The following ITGA6 variants were observed in gnomAD, a reference collection of about 807,000 sequenced individuals.
ITGA6 encodes integrin subunit alpha 6, also known as integrin alpha-6.
In ITGA6, 63 loss-of-function variants were observed where a neutral mutation model predicts 133.6. That is an observed-to-expected ratio of 0.47 (90% CI 0.38 to 0.58). The LOEUF (loss-of-function observed/expected upper bound fraction) is 0.58, where lower values mean the gene tolerates loss of function less well. ITGA6 is among the 20% of genes least tolerant of loss of function. The pLI, the probability that ITGA6 is intolerant of heterozygous loss-of-function variation, is 0.00. For synonymous variants in ITGA6, 434 were observed against 482.0 expected, an observed-to-expected ratio of 0.90 and a Z score of 1.30; for missense variants, 1,068 against 1,309.4, an observed-to-expected ratio of 0.82 and a Z score of 2.85.
Position 172,491,196 on chromosome 2 carries a change from T to C in ITGA6, c.2779-25T>C, listed in dbSNP as rs1686909414. On this transcript the variant is annotated intron_variant, in intron 21 of 25. Transcript: ENST00000684293. This position sits in a 1 kb window ranked among gnomAD's most constrained non-coding sequence, Gnocchi z 4.4. ...ATTTCTTCAGAACAATGTCTTTTGA[T>C]GACCATTCTTCTTTTTCTCTCTAGA... 1 of 1,498,740 alleles carries C rather than the reference T, an allele frequency of 6.7e-7. No homozygotes were observed. Among genetic ancestry groups the C allele is most frequent in the African/African-American group, 1.4e-5 (1 of 72,432 alleles). 92.8% of individuals were successfully genotyped at this position (1,498,740 alleles called of 1,614,324 possible). A position where few individuals can be genotyped will look rare whatever the true frequency, so the allele number is the denominator to read the frequency against.
chr2:172,473,052 T>G lies in ITGA6; in HGVS notation c.776-1003T>G, dbSNP rs568214494. 2.6e-5 allele frequency among the ~76,000 whole-genome samples: 4 copies of G among 152,342 alleles called. No individual in the cohort carries two copies. The East Asian group carries it at 7.7e-4, about 29-fold the overall frequency. Reference sequence around the variant, plus strand: ...CTGGGGCTCTGTGGCCAGATGGTTGTAAGAGCTGGACTCCATATTGCCCTC... The same window carrying G: ...CTGGGGCTCTGTGGCCAGATGGTTGGAAGAGCTGGACTCCATATTGCCCTC... On this transcript the variant is annotated intron_variant, in intron 5 of 25. Coordinates refer to ENST00000684293, the MANE Select transcript of ITGA6 (RefSeq NM_000210.4).
intron 11 of ITGA6, among the ~76,000 whole-genome samples, chr2:172,483,150 C>T (rs1686524252): frequency 6.6e-6 from 1 of 152,074 alleles, no homozygotes; most frequent in African/African-American, 2.4e-5. Context: ...AAGCTGAAAT[C>T]TGAAGGGGAA....
intron 1 of ITGA6, chr2:172,428,404 C>T (rs942928753): frequency 3.9e-5 from 6 of 152,300 alleles, no homozygotes; most frequent in Non-Finnish European, 8.8e-5. Context: ...TGGTCTAGGC[C>T]TTTCCCAAAC....
chr2:172,454,486 T>TGG (rs1034656266), intron 1 of ITGA6, among the ~76,000 whole-genome samples: 2 of 151,930 alleles, frequency 1.3e-5, no homozygotes, highest in African/African-American at 2.4e-5. Flanking sequence ...TAGAGAGTGA[T>TGG]GGAGAGGGTT....
chr2:172,474,676 G>A (rs1481768028), intron 6 of ITGA6, among the ~76,000 whole-genome samples: 2 of 152,202 alleles, frequency 1.3e-5, no homozygotes, highest in African/African-American at 4.8e-5. Context: ...GGTTAGAACA[G>A]TGAGGTCTTA....
intron 1 of ITGA6, among the ~76,000 whole-genome samples, chr2:172,447,526 C>T (rs1684816737): frequency 6.6e-6 from 1 of 152,120 alleles, no homozygotes; most frequent in African/African-American, 2.4e-5. Context: ...TTAAAATGAG[C>T]TAGTTATATA....
intron 1 of ITGA6, among the ~76,000 whole-genome samples, chr2:172,459,275 A>AG (rs1685333781): frequency 6.6e-6 from 1 of 152,130 alleles, no homozygotes; most frequent in African/African-American, 2.4e-5. Context: ...GCCTCAAGGT[A>AG]GGCGGATCCC....
chr2:172,462,262 C>A (rs879364470), intron 1 of ITGA6, among the ~76,000 whole-genome samples: 1 of 152,186 alleles, frequency 6.6e-6, no homozygotes, highest in Non-Finnish European at 1.5e-5. Context: ...CACGGCTGCC[C>A]AGGGGATTTG....
In ITGA6 at chr2:172,465,699, C is replaced by T. The variant is rs1559133457; in HGVS notation, c.307+36C>T. 3 of 1,613,812 alleles carry T rather than the reference C, an allele frequency of 1.9e-6. No individual in the cohort carries two copies. The Admixed American group carries it at 5.0e-5, about 27-fold the overall frequency. The stretch of plus-strand genomic sequence containing the variant: ...TTCCCTCACTCAGCGTTCACTCCGG[C>T]AGCTTGCCTGTACTGTTTCCATGAG... On this transcript the variant is annotated intron_variant, in intron 2 of 25. Transcript: ENST00000684293.
intron 1 of ITGA6, among the ~76,000 whole-genome samples, chr2:172,456,227 A>T (rs1293651718): frequency 6.6e-6 from 1 of 152,236 alleles, no homozygotes; most frequent in African/African-American, 2.4e-5. Context: ...AGGGACTCTT[A>T]CAAGGCCAGT....
intron 1 of ITGA6, among the ~76,000 whole-genome samples, chr2:172,452,848 A>T (rs1210151206): frequency 6.6e-6 from 1 of 152,174 alleles, no homozygotes; most frequent in Non-Finnish European, 1.5e-5. Flanking sequence ...TGGTTTCTCA[A>T]ATGTGGTGTG....
At chr2:172,442,678 C>T (rs962577881) in intron 1 of ITGA6, among the ~76,000 whole-genome samples, 16 of 152,256 alleles carry the variant, frequency 1.1e-4, no homozygotes, top group African/African-American at 2.9e-4. Context: ...CATTGTAATG[C>T]CCCAGTTGCC....
intron 24 of ITGA6, among the ~76,000 whole-genome samples, chr2:172,498,549 T>TA (rs1310186526): frequency 6.6e-6 from 1 of 152,164 alleles, no homozygotes; most frequent in Non-Finnish European, 1.5e-5. Context: ...AATAGAAGAG[T>TA]ATGACATGAA....
intron 1 of ITGA6, among the ~76,000 whole-genome samples, chr2:172,452,471 G>A (rs1368472316): frequency 3.9e-5 from 6 of 152,152 alleles, no homozygotes; most frequent in East Asian, 1.9e-4. Context: ...GGCTGGGCAC[G>A]TGCTTTTTGG....
chr2:172,447,434 A>T (rs1574332105), intron 1 of ITGA6, among the ~76,000 whole-genome samples: 1 of 152,242 alleles, frequency 6.6e-6, no homozygotes, highest in East Asian at 1.9e-4. Flanking sequence ...CGAACTCCTG[A>T]TCTCAAGTGA....
At chr2:172,444,441 A>C (rs1276975781) in intron 1 of ITGA6, among the ~76,000 whole-genome samples, 2 of 152,136 alleles carry the variant, frequency 1.3e-5, no homozygotes, top group Non-Finnish European at 1.5e-5. Context: ...CAAAATCTGA[A>C]ATGCTCCAAA....
chr2:172,501,672 C>T, intron 24 of ITGA6, 100 bp from the exon 25 acceptor site: 1 of 1,188,448 alleles, frequency 8.4e-7, no homozygotes, highest in Non-Finnish European at 1.2e-6. Context: ...TGTTTGTAAA[C>T]AAGCCACTAG....
Position 172,487,354 on chromosome 2 carries a change from TC to T in ITGA6, c.2064del (p.Thr689GlnfsTer12). The part of the protein sequence containing the change: ...VTNSPSNPRN[P>X]TKDGDDAHEA... ...CAAACAGCCCTTCCAACCCAAGGAA[TC>T]CCACAAAAGATGGCGATGACGCCCA... On this transcript the variant is annotated frameshift_variant, in exon 15 of 26. Transcript: ENST00000684293. LOFTEE classifies it high-confidence loss of function. 1 of 1,614,130 alleles carries T rather than the reference TC, an allele frequency of 6.2e-7. No homozygotes were observed. Among genetic ancestry groups the T allele is most frequent in the Non-Finnish European group, 8.5e-7 (1 of 1,179,944 alleles).
chr2:172,468,478 T>G (rs1685777572), intron 3 of ITGA6, among the ~76,000 whole-genome samples: 1 of 152,248 alleles, frequency 6.6e-6, no homozygotes, highest in African/African-American at 2.4e-5. Context: ...ACTGTATTTT[T>G]AGGCTGTGTT....
Sources: gnomAD v4.1 joint callset for allele counts (sites outside exome capture counted in the v4.1 genomes callset) on GRCh38, gnomAD v4.1.1 for gene constraint, Gnocchi (gnomAD v3.1) non-coding constraint, MANE v1.5 for transcripts, NCBI Gene and HGNC (gene_info 2026-07-23, HGNC 2026-07-21) for gene names.